Variants in DLG2 observed in about 807,000 individuals in gnomAD.
The protein encoded by DLG2 is discs large MAGUK scaffold protein 2, also known as disks large homolog 2.
In DLG2, 45 loss-of-function variants were observed where a neutral mutation model predicts 132.5. The observed-to-expected ratio is 0.34, with a 90% CI of 0.27 to 0.44. The LOEUF (loss-of-function observed/expected upper bound fraction) is 0.44, where lower values mean the gene tolerates loss of function less well. DLG2 is among the 20% of genes least tolerant of loss of function. DLG2 has a pLI of 1.00. For missense variants in DLG2, 1,045 were observed against 1,196.9 expected (o/e 0.87, Z 1.87); for synonymous variants, 424 against 419.6 (o/e 1.01, Z -0.13).
intron 6 of DLG2, among the ~76,000 whole-genome samples, chr11:84,688,143 A>C (rs994573753): frequency 1.3e-5 from 2 of 152,188 alleles, no homozygotes; most frequent in African/African-American, 4.8e-5. Flanking sequence ...AGAACATGAA[A>C]CATTATAAAG....
At chr11:84,906,487 AAAAACATAT>A in intron 6 of DLG2, among the ~76,000 whole-genome samples, 1 of 152,160 alleles carries the variant, frequency 6.6e-6, no homozygotes, top group Admixed American at 6.5e-5. Flanking sequence ...ATTATCAAAT[AAAAACATAT>A]GAGACAGGAG....
intron 14 of DLG2, among the ~76,000 whole-genome samples, chr11:83,943,997 A>G (rs1405696892): frequency 6.6e-6 from 1 of 152,210 alleles, no homozygotes; most frequent in African/African-American, 2.4e-5. Context: ...ATCACCTGCC[A>G]TATGGTACAT....
chr11:84,909,144 G>A (rs1490107843), intron 6 of DLG2, among the ~76,000 whole-genome samples: 1 of 152,100 alleles, frequency 6.6e-6, no homozygotes, highest in Non-Finnish European at 1.5e-5. Flanking sequence ...ACCAGCCTGA[G>A]CTAAATCTTT....
intron 17 of DLG2, chr11:83,790,571 C>T (rs1244973569): frequency 7.7e-7 from 1 of 1,297,762 alleles, no homozygotes; most frequent in East Asian, 2.3e-5. Context: ...TACTTTCAGC[C>T]ATGTGGGCTT....
At chr11:84,409,379 T>C (rs747255050) in intron 7 of DLG2, among the ~76,000 whole-genome samples, 16 of 152,206 alleles carry the variant, frequency 1.1e-4, no homozygotes, top group Non-Finnish European at 2.4e-4. Context: ...AACTTTTGTG[T>C]GGCTCTTTGT....
intron 19 of DLG2, among the ~76,000 whole-genome samples, chr11:83,580,937 CTTCCTTTCTCCA>C (rs2096964868): frequency 6.9e-6 from 1 of 144,472 alleles, no homozygotes; most frequent in South Asian, 2.3e-4. Context: ...TCATTCCTCC[CTTCCTTTCTCCA>C]TTCCTCCCTA....
At chr11:85,348,517 C>G (rs1439852465) in intron 3 of DLG2, among the ~76,000 whole-genome samples, 1 of 152,102 alleles carries the variant, frequency 6.6e-6, no homozygotes, top group Non-Finnish European at 1.5e-5. Context: ...GCCACCATGC[C>G]TAACATAAGA....
intron 6 of DLG2, among the ~76,000 whole-genome samples, chr11:84,978,236 G>A (rs1001209191): frequency 6.6e-6 from 1 of 152,132 alleles, no homozygotes; most frequent in Non-Finnish European, 1.5e-5. Context: ...CACTGAAGGA[G>A]ACGTTTAAAA....
At chr11:84,714,642 TCTCTTTCTC>T (rs2060973848) in intron 6 of DLG2, among the ~76,000 whole-genome samples, 2 of 141,902 alleles carry the variant, frequency 1.4e-5, no homozygotes, top group South Asian at 2.2e-4. Flanking sequence ...TCTCTCTCTC[TCTCTTTCTC>T]TCTCTCTCTC....
intron 6 of DLG2, among the ~76,000 whole-genome samples, chr11:84,992,673 G>A (rs1005666319): frequency 2.0e-5 from 3 of 152,038 alleles, no homozygotes; most frequent in South Asian, 2.1e-4. Flanking sequence ...TCATATGTTT[G>A]TTGGCCACAT....
chr11:85,519,034 C>A (rs912791992), intron 3 of DLG2, among the ~76,000 whole-genome samples: 1 of 152,184 alleles, frequency 6.6e-6, no homozygotes, highest in Middle Eastern at 3.2e-3. Context: ...TATGGAAACA[C>A]CCGGATACCG....
intron 6 of DLG2, among the ~76,000 whole-genome samples, chr11:85,050,048 C>T (rs935451967): frequency 1.1e-4 from 16 of 151,302 alleles, no homozygotes; most frequent in African/African-American, 3.9e-4. Context: ...TTCCAATTGT[C>T]AGAACCCACA....
At chr11:83,950,778 C>T (rs2085219086) in intron 14 of DLG2, among the ~76,000 whole-genome samples, 1 of 152,142 alleles carries the variant, frequency 6.6e-6, no homozygotes, top group South Asian at 2.1e-4. Flanking sequence ...CTTTTCCAAT[C>T]TCAGTCACCC....
At chr11:85,414,811 C>T (rs1323858194) in intron 3 of DLG2, among the ~76,000 whole-genome samples, 1 of 151,852 alleles carries the variant, frequency 6.6e-6, no homozygotes, top group Non-Finnish European at 1.5e-5. Flanking sequence ...ATGATTGTGA[C>T]ATTTTCCTGT....
intron 3 of DLG2, among the ~76,000 whole-genome samples, chr11:85,568,188 T>C (rs1408482865): frequency 6.6e-6 from 1 of 151,992 alleles, no homozygotes; most frequent in African/African-American, 2.4e-5. Context: ...CTAATTTTTT[T>C]GTATTTAATA....
chr11:83,941,752 G>A (rs1591507968), intron 14 of DLG2, among the ~76,000 whole-genome samples: 1 of 152,140 alleles, frequency 6.6e-6, no homozygotes, highest in South Asian at 2.1e-4. Flanking sequence ...TGCTCATTAA[G>A]ATGTCTCTAT....
chr11:83,718,214 G>T (rs1040212356), intron 18 of DLG2, among the ~76,000 whole-genome samples: 1 of 152,122 alleles, frequency 6.6e-6, no homozygotes, highest in Non-Finnish European at 1.5e-5. Flanking sequence ...CTCAGAGCAG[G>T]ACTTAAAACT....
chr11:84,985,962 A>G lies in DLG2; in HGVS notation c.357+125699T>C, dbSNP rs889876801. Among the ~76,000 whole-genome samples the G allele has an allele frequency of 4.0e-5, 5 of 125,018 alleles. No homozygotes were observed. The South Asian group carries it at 1.5e-3, about 37-fold the overall frequency. The allele number at this position is 125,018 out of a possible 152,430, so 82.0% of individuals were successfully genotyped here. On this transcript the variant is annotated intron_variant, in intron 6 of 27. Coordinates refer to ENST00000376104, the MANE Select transcript of DLG2 (RefSeq NM_001142699.3). ...TGCCACGATTGCACCATTGCACTCC[A>G]GCCTGGGCAACGGAGCAAGACTCCG... is the stretch of plus-strand genomic sequence containing the variant.
In DLG2 at chr11:85,466,802, T is replaced by G. The variant is rs191387506; in HGVS notation, c.40+131855A>C. Among the ~76,000 whole-genome samples the G allele has an allele frequency of 9.7e-3, 1,471 of 152,302 alleles. 21 individuals are homozygous for G. The highest frequency in any genetic ancestry group is 0.033 in the African/African-American group (1,388 of 41,568). On this transcript the variant is annotated intron_variant, in intron 3 of 27. Coordinates refer to ENST00000376104, the MANE Select transcript of DLG2 (RefSeq NM_001142699.3). ...TGACTTGGCAATGTGGGTTCTTTTT[T>G]GGTTCCATATGAACTTTAAAGTAGT...
Sources: allele counts gnomAD v4.1 joint callset (sites outside exome capture counted in the v4.1 genomes callset), GRCh38; gene constraint gnomAD v4.1.1; transcripts MANE v1.5; gene names NCBI Gene and HGNC (gene_info 2026-07-23, HGNC 2026-07-21).